E2F2: variants seen among roughly 807,000 people sequenced by gnomAD.
The protein encoded by E2F2 is transcription factor E2F2.
E2F2 carries 22 observed loss-of-function variants against 42.2 expected under a neutral mutation model. The ratio of observed to expected loss-of-function variants is 0.52; its 90% confidence interval spans 0.37 to 0.74. E2F2 has a LOEUF of 0.74. Among genes scored for constraint, E2F2 ranks in the 30% least tolerant of loss-of-function variants. The probability of loss-of-function intolerance (pLI) is 0.00; values close to 1 mark genes in which losing one functional copy is unlikely to be tolerated. For synonymous variants in E2F2, 248 were observed against 251.6 expected (o/e 0.99, Z 0.13); for missense variants, 481 against 557.8 (o/e 0.86, Z 1.39).
intron 4 of E2F2, 134 bp downstream of exon 4, chr1:23,520,779 G>A (rs1316261903): frequency 4.6e-6 from 4 of 869,478 alleles, no homozygotes; most frequent in Non-Finnish European, 4.8e-6. Context: ...AAATAGACTT[G>A]AGAAGAAAAG....
rs1029907401 is a variant in E2F2, at chr1:23,529,030, T to C, written c.252+1512A>G. Among the ~76,000 whole-genome samples the C allele has an allele frequency of 3.9e-5, 6 of 152,174 alleles. No homozygotes were observed. The South Asian group carries it at 6.2e-4, about 16-fold the overall frequency. ...GAGTTTGAGACCAGCCTGGGGAACA[T>C]AGGGAGACCCCTGTCTCTACAAAAA... On this transcript the variant is annotated intron_variant, in intron 1 of 6. Transcript: ENST00000361729.
chr1:23,518,521 A>T (rs1160551607), intron 5 of E2F2, among the ~76,000 whole-genome samples: 1 of 152,148 alleles, frequency 6.6e-6, no homozygotes, highest in East Asian at 1.9e-4. Flanking sequence ...AGAAGATCTC[A>T]TACTAGGAAT....
chr1:23,519,179 C>A (rs369947599), intron 4 of E2F2, 49 bp from the exon 5 acceptor site: 40 of 1,445,286 alleles, frequency 2.8e-5, no homozygotes, highest in Middle Eastern at 1.7e-4. Flanking sequence ...AAATTCAAAC[C>A]CCAAACCTGC....
chr1:23,529,113 T>C (rs1643296824), intron 1 of E2F2, among the ~76,000 whole-genome samples: 1 of 151,988 alleles, frequency 6.6e-6, no homozygotes, highest in Non-Finnish European at 1.5e-5. Flanking sequence ...CTCTACCCCA[T>C]CCCCATCTCT....
At chr1:23,517,722 G>A in intron 5 of E2F2, among the ~76,000 whole-genome samples, 1 of 152,224 alleles carries the variant, frequency 6.6e-6, no homozygotes, top group East Asian at 1.9e-4. Flanking sequence ...TTAAATTAAA[G>A]GCAGCGGAAA....
At chr1:23,521,463 C>A (rs879844443) in intron 3 of E2F2, 3 of 814,118 alleles carry the variant, frequency 3.7e-6, no homozygotes, top group Non-Finnish European at 4.5e-6. Flanking sequence ...TGGAAGGAGT[C>A]CGGGATCCCC....
intron 3 of E2F2, chr1:23,521,576 C>G (rs959801131): frequency 1.0e-6 from 1 of 984,732 alleles, no homozygotes; most frequent in African/African-American, 1.8e-5. Context: ...TTACACCTCC[C>G]AGATGTCATT....
Position 23,530,974 on chromosome 1 carries a change from G to C in E2F2, c.-181C>G. The C allele has an allele frequency of 1.5e-6, 1 of 676,962 alleles. No homozygotes were observed. Among genetic ancestry groups the C allele is most frequent in the Non-Finnish European group, 2.2e-6 (1 of 456,026 alleles). 41.9% of individuals were successfully genotyped at this position (676,962 alleles called of 1,614,324 possible). On this transcript the variant is annotated 5_prime_UTR_variant, in exon 1 of 7. Coordinates refer to ENST00000361729, the MANE Select transcript of E2F2 (RefSeq NM_004091.4). This position sits in a 1 kb window ranked among gnomAD's most constrained non-coding sequence, Gnocchi z 4.4. ...CTGGCCCGCGGCCGAGCAGAGAGCAGCGCTTAGAGATCGCCGCTTGGAGAT... is the reference window on the plus strand; with the variant it reads ...CTGGCCCGCGGCCGAGCAGAGAGCACCGCTTAGAGATCGCCGCTTGGAGAT...
intron 6 of E2F2, among the ~76,000 whole-genome samples, chr1:23,513,661 A>G (rs567162435): frequency 7.0e-4 from 106 of 151,330 alleles, no homozygotes; most frequent in African/African-American, 2.5e-3. Context: ...GCAGTGAGCC[A>G]AGACCAGGAA....
At chr1:23,524,339 C>A in intron 2 of E2F2, 44 bp downstream of exon 2, 2 of 1,458,870 alleles carry the variant, frequency 1.4e-6, no homozygotes, top group East Asian at 2.4e-5. Flanking sequence ...CTGCCCTCTG[C>A]CCCTGCCCCA....
chr1:23,521,757 C>G, intron 3 of E2F2, 80 bp downstream of exon 3: 1 of 1,573,534 alleles, frequency 6.4e-7, no homozygotes, highest in South Asian at 1.2e-5. Flanking sequence ...CTGCCACTCA[C>G]ACCCACTGGC....
downstream of E2F2, among the ~76,000 whole-genome samples, chr1:23,505,684 T>C (rs1427712400): frequency 2.0e-5 from 3 of 152,112 alleles, no homozygotes; most frequent in African/African-American, 7.2e-5. Context: ...GCTAATTTAT[T>C]TTATTTTTTT....
In E2F2 at chr1:23,509,803, G is replaced by A. The variant is rs1232454236; in HGVS notation, c.*77C>T. The A allele has an allele frequency of 4.8e-6, 7 of 1,473,104 alleles. No homozygotes were observed. Among genetic ancestry groups the A allele is most frequent in the Non-Finnish European group, 6.3e-6 (7 of 1,110,108 alleles). 91.3% of individuals were successfully genotyped at this position (1,473,104 alleles called of 1,614,324 possible). ...GCAGCACCTAGTGTCCAATGTCCCT[G>A]TGCAGGCAGAGGGGCTGTCAGCCTG... On this transcript the variant is annotated 3_prime_UTR_variant, in exon 7 of 7. Coordinates refer to ENST00000361729, the MANE Select transcript of E2F2 (RefSeq NM_004091.4).
chr1:23,508,180 G>A lies in E2F2; in HGVS notation c.*1700C>T, dbSNP rs1203571826. 6.6e-6 allele frequency: 1 copy of A among 152,290 alleles called. No homozygotes were observed. The highest frequency in any genetic ancestry group is 1.5e-5 in the Non-Finnish European group (1 of 68,102). The allele number at this position is 152,290 out of a possible 1,614,324, so 9.4% of individuals were successfully genotyped here. On this transcript the variant is annotated 3_prime_UTR_variant, in exon 7 of 7. Coordinates refer to ENST00000361729, the MANE Select transcript of E2F2 (RefSeq NM_004091.4). ...GGAGGGGGCTAACTTGGGGGCCCAG[G>A]AATTTGAGCAAATGATGAGGCACAA... is the stretch of plus-strand genomic sequence containing the variant.
intron 6 of E2F2, among the ~76,000 whole-genome samples, chr1:23,512,407 A>G (rs1642927458): frequency 6.6e-6 from 1 of 152,066 alleles, no homozygotes; most frequent in South Asian, 2.1e-4. Context: ...ACCCCTATTT[A>G]CAGATGAGAA....
Position 23,509,938 on chromosome 1 carries a change from C to T in E2F2, c.1256G>A (p.Gly419Asp). ...QDDYLWGLEAGEGISDLFDSY... is the reference protein window; with the variant it reads ...QDDYLWGLEADEGISDLFDSY... ...GTCGAAGAGATCGCTGATGCCCTCA[C>T]CCGCCTCCAAGCCCCACAGGTAGTC... The change falls in exon 7 of 7, where the codon GGT becomes GAT. Residue 419 changes from glycine to aspartate, a missense_variant. Coordinates refer to ENST00000361729, the MANE Select transcript of E2F2 (RefSeq NM_004091.4). 1 of 1,605,128 alleles carries T rather than the reference C, an allele frequency of 6.2e-7. No homozygotes were observed.
Position 23,530,913 on chromosome 1 carries a change from A to C in E2F2, c.-120T>G. The stretch of plus-strand genomic sequence containing the variant: ...GCGCGGAGGCCGGGGGAAGCCGCCA[A>C]TGGACGCCTGCGGGGCAAGGCCGGA... On this transcript the variant is annotated 5_prime_UTR_variant, in exon 1 of 7. Coordinates refer to ENST00000361729, the MANE Select transcript of E2F2 (RefSeq NM_004091.4). The surrounding 1 kb of genome is among the most constrained non-coding windows in gnomAD (Gnocchi z 4.4). The C allele has an allele frequency of 7.8e-7, 1 of 1,289,754 alleles. No homozygotes were observed. Among genetic ancestry groups the C allele is most frequent in the Non-Finnish European group, 1.0e-6 (1 of 982,492 alleles). 79.9% of individuals were successfully genotyped at this position (1,289,754 alleles called of 1,614,324 possible). A position where few individuals can be genotyped will look rare whatever the true frequency, so the allele number is the denominator to read the frequency against.
chr1:23,524,104 C>CAACA (rs1245087730), intron 2 of E2F2, among the ~76,000 whole-genome samples: 6 of 133,208 alleles, frequency 4.5e-5, no homozygotes, highest in Non-Finnish European at 6.2e-5. Flanking sequence ...ACAACAACAA[C>CAACA]AAAAAAAAAC....
chr1:23,530,397 G>A lies in E2F2; in HGVS notation c.252+145C>T. 9.1e-7 allele frequency: 1 copy of A among 1,096,090 alleles called. No individual in the cohort carries two copies. Among genetic ancestry groups the A allele is most frequent in the South Asian group, 1.6e-5 (1 of 61,328 alleles). The allele number at this position is 1,096,090 out of a possible 1,614,324, so 67.9% of individuals were successfully genotyped here. Reference sequence around the variant, plus strand: ...AGGGGTCTTCTACTCAGATATTGGGGGCACTGGGTCCTGGAAACTGAAAGC... The same window carrying A: ...AGGGGTCTTCTACTCAGATATTGGGAGCACTGGGTCCTGGAAACTGAAAGC... On this transcript the variant is annotated intron_variant, in intron 1 of 6. Transcript: ENST00000361729. The surrounding 1 kb of genome is among the most constrained non-coding windows in gnomAD (Gnocchi z 4.4).
Sources: allele counts gnomAD v4.1 joint callset (sites outside exome capture counted in the v4.1 genomes callset), GRCh38; gene constraint gnomAD v4.1.1; non-coding constraint Gnocchi (gnomAD v3.1); transcripts MANE v1.5; gene names NCBI Gene and HGNC (gene_info 2026-07-23, HGNC 2026-07-21).